Variants in COP1 observed in about 807,000 individuals in gnomAD.
The protein encoded by COP1 is E3 ubiquitin-protein ligase COP1.
A neutral mutation model predicts 101.3 loss-of-function variants in COP1; 24 were observed. The observed-to-expected ratio is 0.24, with a 90% CI of 0.17 to 0.33. The LOEUF (loss-of-function observed/expected upper bound fraction) is 0.33, where lower values mean the gene tolerates loss of function less well. Among genes scored for constraint, COP1 ranks in the 10% least tolerant of loss-of-function variants. The pLI, the probability that COP1 is intolerant of heterozygous loss-of-function variation, is 1.00. For synonymous variants in COP1, 347 were observed against 341.9 expected (o/e 1.01, Z -0.17); for missense variants, 663 against 906.2 (o/e 0.73, Z 3.45).
Position 176,083,988 on chromosome 1 carries a change from C to T in COP1, c.1141+1788G>A, listed in dbSNP as rs143673533. Among the ~76,000 whole-genome samples, 3 of 152,272 alleles carry T rather than the reference C, an allele frequency of 2.0e-5. No individual in the cohort carries two copies. In the East Asian group the frequency reaches 5.8e-4, roughly 29 times the overall value. Reference sequence around the variant, plus strand: ...TTCTACTGTCTTGTAAAGCTACACCCCCAAATATAAACTGACTTGTGATGA... The same window carrying T: ...TTCTACTGTCTTGTAAAGCTACACCTCCAAATATAAACTGACTTGTGATGA... On this transcript the variant is annotated intron_variant, in intron 10 of 19. Transcript: ENST00000367669.
intron 3 of COP1, among the ~76,000 whole-genome samples, chr1:176,168,502 AAGGGAGGGAGGG>A (rs34528132): frequency 1.9e-5 from 2 of 106,520 alleles, no homozygotes; most frequent in East Asian, 3.0e-4. Context: ...GGGAAGAAGG[AAGGGAGGGAGGG>A]AGGGAGGGAG....
chr1:175,982,964 T>C lies in COP1; in HGVS notation c.2133+3979A>G, dbSNP rs1355686636. Among the ~76,000 whole-genome samples the C allele has an allele frequency of 6.6e-5, 10 of 152,292 alleles. No homozygotes were observed. In the East Asian group the frequency reaches 9.6e-4, roughly 15 times the overall value. The stretch of plus-strand genomic sequence containing the variant: ...GAGTAAGTTTTTGAGATGTATTGCA[T>C]AGCAGAGTGACTGTAGTTAATAATA... On this transcript the variant is annotated intron_variant, in intron 18 of 19. Transcript: ENST00000367669.
Position 176,118,108 on chromosome 1 carries a change from T to G in COP1, c.969-1427A>C, listed in dbSNP as rs573521173. The stretch of plus-strand genomic sequence containing the variant: ...TTTGAATTTTACCCATAGAAGTGAA[T>G]AACCTGACTCTGGGCAAGTGATTAA... On this transcript the variant is annotated intron_variant, in intron 8 of 19. Transcript: ENST00000367669. 7.2e-5 allele frequency among the ~76,000 whole-genome samples: 11 copies of G among 152,332 alleles called. 1 individual carries two copies. The South Asian group carries it at 2.1e-3, about 29-fold the overall frequency.
chr1:176,007,192 C>T (rs1429832984), intron 15 of COP1, among the ~76,000 whole-genome samples: 3 of 152,110 alleles, frequency 2.0e-5, no homozygotes, highest in Non-Finnish European at 4.4e-5. Context: ...TTTTCAGCTC[C>T]ATCAGCTCCT....
At chr1:176,087,762 C>A (rs2502829) in intron 9 of COP1, among the ~76,000 whole-genome samples, 41,233 of 152,066 alleles carry the variant, frequency 0.27, 6,699 homozygotes, top group East Asian at 0.52. Flanking sequence ...GGGTTATATA[C>A]CCAAAGGATT....
At chr1:175,956,505 C>A (rs1194804145) in intron 18 of COP1, among the ~76,000 whole-genome samples, 6 of 151,020 alleles carry the variant, frequency 4.0e-5, no homozygotes, top group Non-Finnish European at 7.4e-5. Flanking sequence ...AAAAAAAAAA[C>A]CCTGATAAAT....
intron 15 of COP1, among the ~76,000 whole-genome samples, chr1:176,015,258 T>G (rs1016018167): frequency 6.6e-6 from 1 of 152,190 alleles, no homozygotes; most frequent in African/African-American, 2.4e-5. Flanking sequence ...CCTGCTGCTG[T>G]CTGTAGAACA....
Position 175,990,906 on chromosome 1 carries a change from ATT to A in COP1, c.1730-1429_1730-1428del, listed in dbSNP as rs58801318. ...GTAGACAGCATAAAGCTGGATTCTA[ATT>A]TTTTTTTTTTTGTAAACCCATTCTG... On this transcript the variant is annotated intron_variant, in intron 15 of 19. Transcript: ENST00000367669. Among the ~76,000 whole-genome samples the A allele has an allele frequency of 2.7e-3, 397 of 146,128 alleles. 3 individuals carry two copies. Among genetic ancestry groups the A allele is most frequent in the African/African-American group, 9.5e-3 (380 of 39,974 alleles).
At chr1:176,087,389 A>G (rs1204932950) in intron 9 of COP1, among the ~76,000 whole-genome samples, 4 of 152,216 alleles carry the variant, frequency 2.6e-5, no homozygotes, top group Non-Finnish European at 2.9e-5. Context: ...TAGAATCTAC[A>G]AAGAACACAA....
At chr1:176,131,505 A>G (rs1688887759) in intron 8 of COP1, among the ~76,000 whole-genome samples, 1 of 151,874 alleles carries the variant, frequency 6.6e-6, no homozygotes, top group African/African-American at 2.4e-5. Context: ...TATAATAAAG[A>G]TATTCATTAT....
intron 14 of COP1, among the ~76,000 whole-genome samples, chr1:176,028,251 G>A (rs1048938858): frequency 3.3e-5 from 5 of 152,038 alleles, no homozygotes; most frequent in African/African-American, 1.2e-4. Flanking sequence ...AGAGAGCTTA[G>A]TTTCAATGTC....
chr1:176,171,124 CAA>C lies in COP1; in HGVS notation c.565+4784_565+4785del, dbSNP rs1174700907. On this transcript the variant is annotated intron_variant, in intron 3 of 19. Coordinates refer to ENST00000367669, the MANE Select transcript of COP1 (RefSeq NM_022457.7). ...TGGGCAACAGAGCGAGACTCCATCT[CAA>C]AAAAAAAAAAAAAAAAAAAAAAGTA... is the stretch of plus-strand genomic sequence containing the variant. Among the ~76,000 whole-genome samples, 37 of 56,820 alleles carry C rather than the reference CAA, an allele frequency of 6.5e-4. 1 individual carries two copies. The South Asian group carries it at 0.022, about 34-fold the overall frequency. 37.3% of individuals were successfully genotyped at this position (56,820 alleles called of 152,430 possible). A position where few individuals can be genotyped will look rare whatever the true frequency, so the allele number is the denominator to read the frequency against.
intron 11 of COP1, among the ~76,000 whole-genome samples, chr1:176,067,574 G>A (rs146890389): frequency 6.6e-6 from 1 of 151,994 alleles, no homozygotes; most frequent in East Asian, 1.9e-4. Context: ...CGACTCCAGG[G>A]GAAACCCACT....
At chr1:175,989,222 T>TA (rs956635154) in intron 16 of COP1, 140 bp downstream of exon 16, 993 of 463,948 alleles carry the variant, frequency 2.1e-3, no homozygotes, top group South Asian at 4.2e-3. Flanking sequence ...TGGACAAGAT[T>TA]AAAAAAAAAA....
chr1:176,057,436 C>CT (rs1355733836), intron 11 of COP1, among the ~76,000 whole-genome samples: 1 of 152,192 alleles, frequency 6.6e-6, no homozygotes, highest in African/African-American at 2.4e-5. Context: ...ACCCCCCTGC[C>CT]TGATTCTCCT....
intron 18 of COP1, among the ~76,000 whole-genome samples, chr1:175,963,642 G>A (rs1651657689): frequency 6.6e-6 from 1 of 152,098 alleles, no homozygotes; most frequent in South Asian, 2.1e-4. Context: ...AGATGTGTTT[G>A]TTTATGGTCT....
chr1:176,194,896 C>T (rs532666208), intron 1 of COP1, among the ~76,000 whole-genome samples: 1 of 150,122 alleles, frequency 6.7e-6, no homozygotes, highest in East Asian at 2.0e-4. Flanking sequence ...AGCACCATGG[C>T]GAGACCCTGT....
At chr1:176,006,141 G>A (rs1663138991) in intron 15 of COP1, among the ~76,000 whole-genome samples, 1 of 152,098 alleles carries the variant, frequency 6.6e-6, no homozygotes, top group Admixed American at 6.5e-5. Context: ...TTGGTTTAAA[G>A]TCTGTTTTAT....
intron 18 of COP1, among the ~76,000 whole-genome samples, chr1:175,986,672 G>A: frequency 6.6e-6 from 1 of 152,134 alleles, no homozygotes; most frequent in East Asian, 1.9e-4. Flanking sequence ...TTATAGAAGA[G>A]ATATGAACAG....
Sources: gnomAD v4.1 joint callset for allele counts (sites outside exome capture counted in the v4.1 genomes callset) on GRCh38, gnomAD v4.1.1 for gene constraint, MANE v1.5 for transcripts, NCBI Gene and HGNC (gene_info 2026-07-23, HGNC 2026-07-21) for gene names.